Variants in LARP4B observed in about 807,000 individuals in gnomAD.
LARP4B encodes la-related protein 4B.
A neutral mutation model predicts 89.8 loss-of-function variants in LARP4B; 12 were observed. The observed-to-expected ratio is 0.13, with a 90% CI of 0.09 to 0.22. The LOEUF (loss-of-function observed/expected upper bound fraction) is 0.22. Ranked by LOEUF, LARP4B falls within the 10% of genes least tolerant of loss-of-function variation. The probability of loss-of-function intolerance (pLI) is 1.00; values close to 1 mark genes in which losing one functional copy is unlikely to be tolerated. For missense variants in LARP4B, 757 were observed against 947.7 expected, an observed-to-expected ratio of 0.80 and a Z score of 2.64; for synonymous variants, 367 against 363.3, an observed-to-expected ratio of 1.01 and a Z score of -0.12.
At chr10:825,713 G>A (rs1042035717) in intron 12 of LARP4B, 51 bp downstream of exon 12, 3 of 1,231,338 alleles carry the variant, frequency 2.4e-6, no homozygotes, top group African/African-American at 3.0e-5. Context: ...CCCAACTCCG[G>A]AAGGGCAGTA....
intron 8 of LARP4B, among the ~76,000 whole-genome samples, chr10:831,185 A>G (rs1000921568): frequency 2.0e-5 from 3 of 152,108 alleles, no homozygotes; most frequent in Admixed American, 2.0e-4. Flanking sequence ...AAGCAGTCAC[A>G]CAACTTACAG....
chr10:904,878 G>A (rs539278742), intron 1 of LARP4B, among the ~76,000 whole-genome samples: 4 of 152,330 alleles, frequency 2.6e-5, no homozygotes, highest in South Asian at 2.1e-4. Context: ...AACCAGGCAC[G>A]ATGGTGGCAT....
chr10:891,509 G>A (rs979367955), intron 1 of LARP4B, among the ~76,000 whole-genome samples: 1 of 152,174 alleles, frequency 6.6e-6, no homozygotes, highest in Non-Finnish European at 1.5e-5. Flanking sequence ...AATATTTACA[G>A]GGAAAATAAT....
At chr10:974,919 T>C in the LARP4B span, among the ~76,000 whole-genome samples, 1 of 152,204 alleles carries the variant, frequency 6.6e-6, no homozygotes, top group African/African-American at 2.4e-5. Context: ...CATGAGATGA[T>C]AGTGTGACTG....
upstream of LARP4B, among the ~76,000 whole-genome samples, chr10:933,776 T>G (rs1416267680): frequency 6.6e-6 from 1 of 152,088 alleles, no homozygotes; most frequent in Non-Finnish European, 1.5e-5. Flanking sequence ...TTCATAACAT[T>G]GCTAGGGCCA....
At position 830,853 on chromosome 10, in the gene LARP4B, T is replaced by C. The variant is rs757943844; in HGVS notation, c.861+14A>G. 7.7e-5 allele frequency: 84 copies of C among 1,090,452 alleles called. No homozygotes were observed. Among genetic ancestry groups the C allele is most frequent in the Non-Finnish European group, 2.5e-5 (18 of 710,240 alleles). 67.5% of individuals were successfully genotyped at this position (1,090,452 alleles called of 1,614,324 possible). A position where few individuals can be genotyped will look rare whatever the true frequency, so the allele number is the denominator to read the frequency against. ...AACTATGCAATTCATAGGGTGATGG[T>C]GGAAAGAACTTACCTGTTGTGCATC... On this transcript the variant is annotated intron_variant, in intron 9 of 17. Transcript: ENST00000316157.
chr10:907,273 T>C (rs1324025587), intron 1 of LARP4B, among the ~76,000 whole-genome samples: 1 of 152,182 alleles, frequency 6.6e-6, no homozygotes, highest in African/African-American at 2.4e-5. Context: ...GCAACAAATG[T>C]GGGAAAAATT....
intron 5 of LARP4B, among the ~76,000 whole-genome samples, chr10:858,457 G>C (rs1170198115): frequency 6.6e-6 from 1 of 152,014 alleles, no homozygotes; most frequent in East Asian, 1.9e-4. Flanking sequence ...CGAAAACACA[G>C]ACAAAACCTT....
intron 5 of LARP4B, among the ~76,000 whole-genome samples, chr10:859,244 A>C (rs11253472): frequency 0.052 from 7,698 of 149,436 alleles, 253 homozygotes; most frequent in Non-Finnish European, 0.079. Context: ...GCTCCAGTGC[A>C]CTCCAGCCTG....
chr10:865,404 G>A (rs1309329773), intron 3 of LARP4B, among the ~76,000 whole-genome samples: 1 of 152,124 alleles, frequency 6.6e-6, no homozygotes, highest in Non-Finnish European at 1.5e-5. Context: ...AAACCCTCCC[G>A]CATCAGCTTG....
rs149169141 is a variant in LARP4B, at chr10:917,690, T to C, written c.-40+13738A>G. Among the ~76,000 whole-genome samples the C allele has an allele frequency of 9.9e-3, 1,502 of 152,308 alleles. 21 individuals carry two copies. The highest frequency in any genetic ancestry group is 0.032 in the African/African-American group (1,349 of 41,570). ...CTCAAGAAGAGAGGAATTCACCCAA[T>C]TCATGTAAGTATTACCAGCATAGTC... On this transcript the variant is annotated intron_variant, in intron 1 of 17. Transcript: ENST00000316157.
At chr10:821,236 G>A (rs1235362370) in intron 13 of LARP4B, among the ~76,000 whole-genome samples, 3 of 152,124 alleles carry the variant, frequency 2.0e-5, no homozygotes, top group African/African-American at 4.8e-5. Context: ...GAATTTTCCC[G>A]GCGCAGATTT....
At chr10:842,840 T>C in intron 7 of LARP4B, 92 bp downstream of exon 7, 1 of 1,194,260 alleles carries the variant, frequency 8.4e-7, no homozygotes, top group Non-Finnish European at 1.2e-6. Flanking sequence ...TCAAGGACCT[T>C]AACGTTTGAT....
intron 1 of LARP4B, among the ~76,000 whole-genome samples, chr10:924,810 TGTCTCAA>T (rs1837091742): frequency 6.6e-6 from 1 of 152,258 alleles, no homozygotes; most frequent in African/African-American, 2.4e-5. Context: ...ATTGTCCACC[TGTCTCAA>T]TGGACACCAA....
Position 814,895 on chromosome 10 carries a change from G to A in LARP4B, c.1821-45C>T, listed in dbSNP as rs536533811. 6 of 1,579,096 alleles carry A rather than the reference G, an allele frequency of 3.8e-6. No individual in the cohort carries two copies. Among genetic ancestry groups the A allele is most frequent in the Non-Finnish European group, 5.2e-6 (6 of 1,157,744 alleles). On this transcript the variant is annotated intron_variant, in intron 16 of 17. Coordinates refer to ENST00000316157, the MANE Select transcript of LARP4B (RefSeq NM_015155.3). This position sits in a 1 kb window ranked among gnomAD's most constrained non-coding sequence, Gnocchi z 4.4. ...TATTTGAATCTCATGCAACATCACA[G>A]GCCATTCAAGTCAGTCAACACCAAG...
chr10:827,242 C>A (rs184709613), intron 11 of LARP4B, among the ~76,000 whole-genome samples: 1 of 150,746 alleles, frequency 6.6e-6, no homozygotes, highest in African/African-American at 2.5e-5. Flanking sequence ...GGCCACTGCA[C>A]TCCAGCCTGG....
chr10:829,792 C>A, intron 9 of LARP4B, 58 bp from the exon 10 acceptor site: 1 of 1,148,446 alleles, frequency 8.7e-7, no homozygotes, highest in South Asian at 1.2e-5. Flanking sequence ...TAAGAGGCAC[C>A]AATAGTTCAC....
chr10:913,723 A>G (rs1836739015), intron 1 of LARP4B, among the ~76,000 whole-genome samples: 1 of 152,216 alleles, frequency 6.6e-6, no homozygotes, highest in South Asian at 2.1e-4. Context: ...AGCCAGGCCA[A>G]TACAGTGAAA....
In LARP4B at chr10:814,308, T is replaced by C; in HGVS notation, c.1929+434A>G. ...GGGAAAACAGCAGAAAGGAAGTCGC[T>C]GGGGTTCAGGCCTGCTGGGCCCACA... On this transcript the variant is annotated intron_variant, in intron 17 of 17. Transcript: ENST00000316157. The surrounding 1 kb of genome is among the most constrained non-coding windows in gnomAD (Gnocchi z 4.4). 3.6e-6 allele frequency: 1 copy of C among 279,108 alleles called. No individual in the cohort carries two copies. The allele number at this position is 279,108 out of a possible 1,614,324, so 17.3% of individuals were successfully genotyped here.
Sources: allele counts gnomAD v4.1 joint callset (sites outside exome capture counted in the v4.1 genomes callset), GRCh38; gene constraint gnomAD v4.1.1; non-coding constraint Gnocchi (gnomAD v3.1); transcripts MANE v1.5; gene names NCBI Gene and HGNC (gene_info 2026-07-23, HGNC 2026-07-21).